The following LAMA3 variants were observed in gnomAD, a reference collection of about 807,000 sequenced individuals.
LAMA3 encodes the protein laminin subunit alpha-3.
LAMA3 carries 281 observed loss-of-function variants against 402.0 expected under a neutral mutation model. The ratio of observed to expected loss-of-function variants is 0.70; its 90% CI spans 0.63 to 0.77. The LOEUF (loss-of-function observed/expected upper bound fraction) is 0.77, where lower values mean the gene tolerates loss of function less well. Among genes scored for constraint, LAMA3 ranks in the 30% least tolerant of loss-of-function variants. LAMA3 has a pLI of 0.00. For synonymous variants in LAMA3, 1,431 were observed against 1,558.4 expected, an observed-to-expected ratio of 0.92 and a Z score of 1.93; for missense variants, 3,840 against 4,215.5, an observed-to-expected ratio of 0.91 and a Z score of 2.47.
chr18:23,861,324 G>A (rs995298083), intron 34 of LAMA3, among the ~76,000 whole-genome samples: 4 of 152,130 alleles, frequency 2.6e-5, no homozygotes, highest in South Asian at 2.1e-4. Flanking sequence ...ATGCGCCATG[G>A]TCCTAGTTTT....
At chr18:23,863,703 C>T (rs1324899310) in intron 35 of LAMA3, among the ~76,000 whole-genome samples, 1 of 152,064 alleles carries the variant, frequency 6.6e-6, no homozygotes, top group Non-Finnish European at 1.5e-5. Context: ...GGCTTCTTTC[C>T]CCTGCCTGCT....
intron 64 of LAMA3, among the ~76,000 whole-genome samples, chr18:23,929,407 G>A (rs1251782966): frequency 6.6e-6 from 1 of 152,224 alleles, no homozygotes; most frequent in Non-Finnish European, 1.5e-5. Flanking sequence ...AATAGAAGTA[G>A]AGTATGATTA....
At chr18:23,933,162 A>T (rs1308825027) in intron 66 of LAMA3, among the ~76,000 whole-genome samples, 1 of 152,332 alleles carries the variant, frequency 6.6e-6, no homozygotes, top group East Asian at 1.9e-4. Flanking sequence ...ACCATCATTC[A>T]GTATCATCCA....
At chr18:23,867,568 A>G (rs56266938) in intron 36 of LAMA3, among the ~76,000 whole-genome samples, 35 of 145,420 alleles carry the variant, frequency 2.4e-4, no homozygotes, top group Non-Finnish European at 3.8e-4. Flanking sequence ...AAAAAAAAAA[A>G]GAAAAAAAAA....
intron 8 of LAMA3, among the ~76,000 whole-genome samples, chr18:23,772,476 C>T (rs930684480): frequency 3.9e-5 from 6 of 152,160 alleles, no homozygotes; most frequent in African/African-American, 1.4e-4. Context: ...TAATTGACAT[C>T]GGATGGGAAG....
chr18:23,780,910 C>T (rs535193936), intron 11 of LAMA3, among the ~76,000 whole-genome samples: 1 of 152,272 alleles, frequency 6.6e-6, no homozygotes, highest in South Asian at 2.1e-4. Flanking sequence ...TTTGAAATAT[C>T]ACTCTTGACA....
chr18:23,900,101 C>CA (rs1328871865), intron 47 of LAMA3, among the ~76,000 whole-genome samples: 1 of 151,886 alleles, frequency 6.6e-6, no homozygotes, highest in African/African-American at 2.4e-5. Flanking sequence ...GACAGAGTCT[C>CA]ACTCCATTAC....
chr18:23,954,655 C>A lies in LAMA3; in HGVS notation c.*7C>A. 4 of 1,613,964 alleles carry A rather than the reference C, an allele frequency of 2.5e-6. No individual in the cohort carries two copies. The highest frequency in any genetic ancestry group is 2.2e-5 in the South Asian group (2 of 91,072). On this transcript the variant is annotated 3_prime_UTR_variant, in exon 75 of 75. Transcript: ENST00000313654. ...TGGTTGTCCTGACCAGTAACCCAAGCCTATTTCACAGCAAGGAAATTCACC... is the reference window on the plus strand; with the variant it reads ...TGGTTGTCCTGACCAGTAACCCAAGACTATTTCACAGCAAGGAAATTCACC...
intron 13 of LAMA3, among the ~76,000 whole-genome samples, chr18:23,812,091 T>G (rs1461639330): frequency 1.3e-5 from 2 of 152,158 alleles, no homozygotes; most frequent in Admixed American, 1.3e-4. Context: ...GCCAGGATGA[T>G]CTTGATCTCC....
intron 38 of LAMA3, among the ~76,000 whole-genome samples, chr18:23,874,471 A>G (rs2064639198): frequency 6.6e-6 from 1 of 152,256 alleles, no homozygotes; most frequent in Non-Finnish European, 1.5e-5. Flanking sequence ...CTTTGCCCTA[A>G]ACATGGTTCC....
Position 23,814,510 on chromosome 18 carries a change from T to C in LAMA3, c.1888+8T>C. 1 of 1,548,526 alleles carries C rather than the reference T, an allele frequency of 6.5e-7. No homozygotes were observed. The highest frequency in any genetic ancestry group is 1.1e-5 in the South Asian group (1 of 89,658). On this transcript the variant is annotated splice_region_variant and intron_variant, in intron 15 of 74. Transcript: ENST00000313654. ...ACCCCAGTGGATGTTCAGGTAGGTTTCTTATATGTCATAATTTACTATATT... is the reference window on the plus strand; with the variant it reads ...ACCCCAGTGGATGTTCAGGTAGGTTCCTTATATGTCATAATTTACTATATT...
At chr18:23,910,023 A>G (rs2081379991) in intron 55 of LAMA3, among the ~76,000 whole-genome samples, 1 of 152,198 alleles carries the variant, frequency 6.6e-6, no homozygotes, top group Non-Finnish European at 1.5e-5. Context: ...TCCCAACATA[A>G]AAACTTGAAC....
intron 2 of LAMA3, among the ~76,000 whole-genome samples, chr18:23,739,193 AC>A (rs1413624908): frequency 6.6e-6 from 1 of 152,190 alleles, no homozygotes; most frequent in East Asian, 1.9e-4. Context: ...CATTGTGACA[AC>A]CAATAAAATA....
In LAMA3 at chr18:23,927,981, A is replaced by G. The variant is rs929358368; in HGVS notation, c.8178-142A>G. The G allele has an allele frequency of 4.1e-6, 3 of 737,242 alleles. No individual in the cohort carries two copies. The South Asian group carries it at 4.4e-5, about 11-fold the overall frequency. The allele number at this position is 737,242 out of a possible 1,614,324, so 45.7% of individuals were successfully genotyped here. Reference sequence around the variant, plus strand: ...CCAGCATCATAAAATAAGTAGCATTATGGGAATCCCATGGGAAAGGATAAA... The same window carrying G: ...CCAGCATCATAAAATAAGTAGCATTGTGGGAATCCCATGGGAAAGGATAAA... On this transcript the variant is annotated intron_variant, in intron 62 of 74. Coordinates refer to ENST00000313654, the MANE Select transcript of LAMA3 (RefSeq NM_198129.4).
At chr18:23,951,996 G>A (rs1353904810) in intron 73 of LAMA3, among the ~76,000 whole-genome samples, 1 of 152,180 alleles carries the variant, frequency 6.6e-6, no homozygotes, top group African/African-American at 2.4e-5. Context: ...TATTGTTGCT[G>A]TTGTTGTTGT....
chr18:23,764,679 T>C (rs1271374984), intron 8 of LAMA3, among the ~76,000 whole-genome samples: 1 of 152,142 alleles, frequency 6.6e-6, no homozygotes, highest in Admixed American at 6.6e-5. Flanking sequence ...TTAAAATGCC[T>C]TTTACTCAGT....
intron 20 of LAMA3, among the ~76,000 whole-genome samples, chr18:23,824,187 TA>T (rs1306348866): frequency 2.0e-5 from 3 of 152,262 alleles, no homozygotes; most frequent in Admixed American, 2.0e-4. Flanking sequence ...GTTAAACAAT[TA>T]TTCATAATCC....
At chr18:23,705,522 C>T (rs928074124) in intron 1 of LAMA3, among the ~76,000 whole-genome samples, 2 of 151,824 alleles carry the variant, frequency 1.3e-5, no homozygotes, top group Non-Finnish European at 2.9e-5. Context: ...CACATATGCA[C>T]ACACACATAC....
At chr18:23,887,686 C>A (rs1390652251) in intron 41 of LAMA3, among the ~76,000 whole-genome samples, 1 of 152,138 alleles carries the variant, frequency 6.6e-6, no homozygotes, top group African/African-American at 2.4e-5. Flanking sequence ...GGGTGAAAAG[C>A]AGGAATATAG....
Sources: gnomAD v4.1 joint callset for allele counts (sites outside exome capture counted in the v4.1 genomes callset) on GRCh38, gnomAD v4.1.1 for gene constraint, MANE v1.5 for transcripts, NCBI Gene and HGNC (gene_info 2026-07-23, HGNC 2026-07-21) for gene names.